Variants in LAMB4 observed in about 807,000 individuals in gnomAD.
LAMB4 encodes the protein laminin subunit beta-4.
LAMB4 carries 196 observed loss-of-function variants against 199.2 expected under a neutral mutation model. The observed-to-expected ratio is 0.98, with a 90% CI of 0.88 to 1.11. The LOEUF is 1.11. Among genes scored for constraint, LAMB4 ranks in the 50% least tolerant of loss-of-function variants. The pLI is 0.00. For missense variants in LAMB4, 2,080 were observed against 2,171.2 expected (o/e 0.96, Z 0.83); for synonymous variants, 744 against 770.6 (o/e 0.97, Z 0.57).
chr7:108,097,914 C>T lies in LAMB4; in HGVS notation c.1360+489G>A, dbSNP rs1267376367. 2.6e-5 allele frequency among the ~76,000 whole-genome samples: 4 copies of T among 152,296 alleles called. No individual in the cohort carries two copies. In the East Asian group the frequency reaches 7.7e-4, roughly 29 times the overall value. On this transcript the variant is annotated intron_variant, in intron 11 of 33. Transcript: ENST00000388781. ...CCAGTGGGGAAAATGTGAATGCCCC[C>T]TGCTGGTCCTTTATGATAAACCCAG...
chr7:108,082,323 C>G (rs980672265), intron 14 of LAMB4, among the ~76,000 whole-genome samples: 5 of 132,658 alleles, frequency 3.8e-5, no homozygotes, highest in African/African-American at 1.4e-4. Flanking sequence ...GAGCGAGACT[C>G]CGTCTTAAAA....
rs768225139 is a variant in LAMB4 at position 108,107,814 on chromosome 7, A to G, written c.408T>C (p.Phe136=). The change falls in exon 6 of 34, where the codon TTT becomes TTC. Residue 136 remains phenylalanine (F), a synonymous_variant. Transcript: ENST00000388781. ...FSHLILTFKT[F]RPAAMLVERS... ...GTTCAACTAACATTGCAGCAGGCCG[A>G]AAAGTCTAGGAAAAATGAGTAAAAG... is the stretch of plus-strand genomic sequence containing the variant. 1 of 1,584,280 alleles carries G rather than the reference A, an allele frequency of 6.3e-7. No individual in the cohort carries two copies. The highest frequency in any genetic ancestry group is 1.2e-5 in the South Asian group (1 of 85,204).
chr7:108,122,169 TGTAA>T (rs2038623254), intron 2 of LAMB4, among the ~76,000 whole-genome samples: 1 of 152,230 alleles, frequency 6.6e-6, no homozygotes, highest in Non-Finnish European at 1.5e-5. Context: ...TTTTGCAAGA[TGTAA>T]GTAAGATATT....
At chr7:108,043,301 T>C (rs1179080423) in intron 29 of LAMB4, among the ~76,000 whole-genome samples, 1 of 152,126 alleles carries the variant, frequency 6.6e-6, no homozygotes, top group Non-Finnish European at 1.5e-5. Context: ...GATAGAATTG[T>C]CATGTTGAAC....
intron 17 of LAMB4, among the ~76,000 whole-genome samples, chr7:108,076,198 A>G (rs547096181): frequency 2.0e-5 from 3 of 152,198 alleles, no homozygotes; most frequent in Non-Finnish European, 4.4e-5. Flanking sequence ...AGCAACTTAT[A>G]TGACCAGGAG....
In LAMB4 at chr7:108,047,968, G is replaced by C; in HGVS notation, c.4266C>G (p.Ala1422=). ...TACGAATAATGGATTTTGCTTCCTG[G>C]GCTTTTTGGAGGGCATTCGTTGAGA... The part of the protein sequence containing the change: ...LTLSTNALQK[A]QEAKSIIRNL... Residue 1422 remains alanine, a synonymous_variant, in exon 28 of 34, where the codon GCC becomes GCG. Coordinates refer to ENST00000388781, the MANE Select transcript of LAMB4 (RefSeq NM_007356.3). 6.2e-7 allele frequency: 1 copy of C among 1,614,066 alleles called. No individual in the cohort carries two copies. Among genetic ancestry groups the C allele is most frequent in the Non-Finnish European group, 8.5e-7 (1 of 1,180,022 alleles).
chr7:108,091,731 A>G lies in LAMB4; in HGVS notation c.1596T>C (p.Thr532=), dbSNP rs1379846228. ...NGQCECRPHV[T]GRSCSEPAPG... ...GGGCTGGTTCAGAGCAGCTACGGCCAGTGACATGTGGGCGGCATTCACACT... is the reference window on the plus strand; with the variant it reads ...GGGCTGGTTCAGAGCAGCTACGGCCGGTGACATGTGGGCGGCATTCACACT... Residue 532 remains threonine (T), a synonymous_variant, in exon 14 of 34, where the codon ACT becomes ACC. Coordinates refer to ENST00000388781, the MANE Select transcript of LAMB4 (RefSeq NM_007356.3). 2.5e-6 allele frequency: 4 copies of G among 1,614,228 alleles called. No homozygotes were observed. In the South Asian group the frequency reaches 4.4e-5, roughly 18 times the overall value.
At position 108,055,670 on chromosome 7, in the gene LAMB4, C is replaced by T. The variant is rs2035958538; in HGVS notation, c.3717G>A (p.Gly1239=). Residue 1239 remains glycine, a synonymous_variant, in exon 25 of 34, where the codon GGG becomes GGA. Coordinates refer to ENST00000388781, the MANE Select transcript of LAMB4 (RefSeq NM_007356.3). ...RILKHPVFPS[G]KFLKVKDYHD... ...GATAATCCTTGACTTTTAAGAATTT[C>T]CCAGATGGGAAAACAGGATGTTTCA... The T allele has an allele frequency of 6.2e-7, 1 of 1,613,834 alleles. No individual in the cohort carries two copies. Among genetic ancestry groups the T allele is most frequent in the Non-Finnish European group, 8.5e-7 (1 of 1,179,958 alleles).
intron 17 of LAMB4, among the ~76,000 whole-genome samples, chr7:108,076,172 A>G (rs1045052405): frequency 6.6e-6 from 1 of 152,180 alleles, no homozygotes; most frequent in Non-Finnish European, 1.5e-5. Context: ...AAATACACAT[A>G]GTAGTAAAAA....
At chr7:108,050,809 A>G (rs185996800) in intron 26 of LAMB4, among the ~76,000 whole-genome samples, 147 of 152,308 alleles carry the variant, frequency 9.7e-4, no homozygotes, top group Non-Finnish European at 1.7e-3. Flanking sequence ...TGTGGAGATA[A>G]TTCAATTGCC....
chr7:108,115,030 G>A (rs553071798), intron 3 of LAMB4, among the ~76,000 whole-genome samples: 1 of 152,158 alleles, frequency 6.6e-6, no homozygotes, highest in Admixed American at 6.6e-5. Context: ...CCATCTCAAG[G>A]CAGAGCAATG....
chr7:108,104,706 CCTGGT>C (rs1264730350), intron 8 of LAMB4, 87 bp from the exon 9 acceptor site: 1 of 1,465,730 alleles, frequency 6.8e-7, no homozygotes, highest in Non-Finnish European at 9.3e-7. Flanking sequence ...AATACCAGGT[CCTGGT>C]ACCTCTCTGA....
chr7:108,102,593 T>G (rs2037852229), intron 10 of LAMB4, among the ~76,000 whole-genome samples: 1 of 152,204 alleles, frequency 6.6e-6, no homozygotes, highest in Admixed American at 6.5e-5. Flanking sequence ...TTATTCCCTA[T>G]TATTTTGTAC....
intron 33 of LAMB4, 25 bp downstream of exon 33, chr7:108,029,018 G>T: frequency 6.3e-7 from 1 of 1,599,196 alleles, no homozygotes; most frequent in Non-Finnish European, 8.5e-7. Flanking sequence ...TATCAAATTG[G>T]CAGGATGGAT....
chr7:108,107,926 G>T, intron 5 of LAMB4, 107 bp from the exon 6 acceptor site: 2 of 798,132 alleles, frequency 2.5e-6, no homozygotes, highest in Admixed American at 3.3e-5. Context: ...AACTTTAGGT[G>T]TATCTTTTTG....
chr7:108,128,921 A>G (rs764044512), intron 1 of LAMB4, among the ~76,000 whole-genome samples: 1 of 152,244 alleles, frequency 6.6e-6, no homozygotes, highest in Non-Finnish European at 1.5e-5. Context: ...TGAGATATGT[A>G]TAAACGTATT....
intron 14 of LAMB4, among the ~76,000 whole-genome samples, chr7:108,086,295 C>T (rs1258275369): frequency 6.6e-6 from 1 of 152,170 alleles, no homozygotes; most frequent in African/African-American, 2.4e-5. Context: ...ACCTGCCTCC[C>T]CCTTTCTCAT....
the LAMB4 span, among the ~76,000 whole-genome samples, chr7:108,016,318 C>A: frequency 8.4e-6 from 1 of 119,376 alleles, no homozygotes; most frequent in Non-Finnish European, 1.6e-5. Context: ...GAGTCTCGCT[C>A]TGTTGCTCAG....
intron 28 of LAMB4, among the ~76,000 whole-genome samples, chr7:108,045,854 TAA>T (rs2035600562): frequency 6.6e-6 from 1 of 152,162 alleles, no homozygotes; most frequent in African/African-American, 2.4e-5. Flanking sequence ...ACTATGTAAG[TAA>T]AGTTTCAATA....
Sources: gnomAD v4.1 joint callset for allele counts (sites outside exome capture counted in the v4.1 genomes callset) on GRCh38, gnomAD v4.1.1 for gene constraint, MANE v1.5 for transcripts, NCBI Gene and HGNC (gene_info 2026-07-23, HGNC 2026-07-21) for gene names.